USH2A: variants seen among roughly 807,000 people sequenced by gnomAD.
USH2A encodes the protein usherin, also known as Usher syndrome 2A (autosomal recessive, mild).
USH2A carries 443 observed loss-of-function variants against 538.9 expected under a neutral mutation model. The ratio of observed to expected loss-of-function variants is 0.82; its 90% CI spans 0.76 to 0.89. USH2A has a LOEUF of 0.89. Among genes scored for constraint, USH2A ranks in the 40% least tolerant of loss-of-function variants. The pLI, the probability that USH2A is intolerant of heterozygous loss-of-function variation, is 0.00. For synonymous variants in USH2A, 2,413 were observed against 2,273.5 expected (o/e 1.06, Z -1.75); for missense variants, 6,633 against 6,324.8 (o/e 1.05, Z -1.65).
chr1:215,970,628 T>C lies in USH2A; in HGVS notation c.6954A>G (p.Pro2318=). The change falls in exon 36 of 72, where the codon CCA becomes CCG. Residue 2318 remains proline (P), a synonymous_variant. Coordinates refer to ENST00000307340, the MANE Select transcript of USH2A (RefSeq NM_206933.4). Reference sequence around the variant, plus strand: ...GAATGTAAATTTAGATACTCACCAGTGGGCCCAGAGCACAACCTTTGGCCG... The same window carrying C: ...GAATGTAAATTTAGATACTCACCAGCGGGCCCAGAGCACAACCTTTGGCCG... ...ACTAKGCALG[P]LVENRTLEAP... 1 of 1,613,598 alleles carries C rather than the reference T, an allele frequency of 6.2e-7. No individual in the cohort carries two copies. Among genetic ancestry groups the C allele is most frequent in the South Asian group, 1.1e-5 (1 of 91,078 alleles).
At chr1:215,869,729 A>G (rs1489525929) in intron 43 of USH2A, among the ~76,000 whole-genome samples, 1 of 152,224 alleles carries the variant, frequency 6.6e-6, no homozygotes, top group Admixed American at 6.5e-5. Context: ...ATGCTATTAT[A>G]CAATTAATAA....
At chr1:216,165,808 G>GT (rs11453631) in intron 21 of USH2A, among the ~76,000 whole-genome samples, 115,084 of 145,648 alleles carry the variant, frequency 0.79, 45,812 homozygotes, top group East Asian at 0.96. Context: ...CAAACAACCA[G>GT]TTTTTTTTTT....
intron 3 of USH2A, among the ~76,000 whole-genome samples, chr1:216,409,912 A>G (rs1331736004): frequency 6.6e-6 from 1 of 152,088 alleles, no homozygotes; most frequent in Admixed American, 6.6e-5. Flanking sequence ...CGAACTATCA[A>G]CAGAGTGAAC....
At chr1:216,377,436 C>A (rs2038842909) in intron 3 of USH2A, among the ~76,000 whole-genome samples, 1 of 152,030 alleles carries the variant, frequency 6.6e-6, no homozygotes, top group Non-Finnish European at 1.5e-5. Context: ...ATTTACGGGT[C>A]AAATGCAGAA....
intron 35 of USH2A, among the ~76,000 whole-genome samples, chr1:215,975,950 A>G (rs1667610793): frequency 1.3e-5 from 2 of 152,168 alleles, no homozygotes; most frequent in South Asian, 2.1e-4. Flanking sequence ...CCACTTCATG[A>G]GCATGGAACA....
In USH2A at chr1:215,782,586, G is replaced by A. The variant is rs116377228; in HGVS notation, c.10585+152C>T. 1.2e-3 allele frequency: 1,027 copies of A among 845,278 alleles called. 5 individuals carry two copies. The African/African-American group carries it at 0.014, about 11-fold the overall frequency. 52.4% of individuals were successfully genotyped at this position (845,278 alleles called of 1,614,324 possible). ...ACGAGGACTACACCACAAAGTGAGT[G>A]ATTAGTTGTCACATAATTACAGTTC... is the stretch of plus-strand genomic sequence containing the variant. On this transcript the variant is annotated intron_variant, in intron 53 of 71. Coordinates refer to ENST00000307340, the MANE Select transcript of USH2A (RefSeq NM_206933.4).
chr1:215,718,158 T>C (rs1659539090), intron 61 of USH2A, among the ~76,000 whole-genome samples: 1 of 152,134 alleles, frequency 6.6e-6, no homozygotes, highest in African/African-American at 2.4e-5. Flanking sequence ...CCTTAAAAAT[T>C]ATATTGAGAT....
chr1:216,119,571 T>C (rs2102592925), intron 21 of USH2A, among the ~76,000 whole-genome samples: 1 of 152,220 alleles, frequency 6.6e-6, no homozygotes, highest in Admixed American at 6.5e-5. Flanking sequence ...CATATATTAA[T>C]TTTGGTAAAA....
At chr1:215,765,419 T>C (rs1185962990) in intron 56 of USH2A, among the ~76,000 whole-genome samples, 22 of 152,148 alleles carry the variant, frequency 1.4e-4, no homozygotes, top group Admixed American at 1.2e-3. Context: ...AGTTCAGGTC[T>C]AATATTCCGA....
intron 3 of USH2A, among the ~76,000 whole-genome samples, chr1:216,385,299 A>G (rs1476158610): frequency 6.6e-6 from 1 of 152,202 alleles, no homozygotes; most frequent in Non-Finnish European, 1.5e-5. Context: ...AAGGGAAAGA[A>G]TTAGTGTTTA....
intron 30 of USH2A, among the ~76,000 whole-genome samples, chr1:216,049,090 A>G (rs1290041965): frequency 6.6e-6 from 1 of 152,256 alleles, no homozygotes; most frequent in Non-Finnish European, 1.5e-5. Flanking sequence ...TAGGGCACCT[A>G]TTAACACACT....
rs766176205 is a variant in USH2A at position 215,650,715 on chromosome 1, G to A, written c.14220C>T (p.Ala4740=). The A allele has an allele frequency of 1.2e-6, 2 of 1,613,868 alleles. No individual in the cohort carries two copies. The highest frequency in any genetic ancestry group is 1.3e-5 in the African/African-American group (1 of 74,854). Residue 4740 remains alanine (A), a synonymous_variant, in exon 65 of 72, where the codon GCC becomes GCT. Transcript: ENST00000307340. ...TAGAAGAGATCACATGGAACGTGGG[G>A]GCTCTGAGACCTTCTGGTGGGGCTG... is the stretch of plus-strand genomic sequence containing the variant. ...TGPAPPEGLR[A]PTFHVISSTQ...
At chr1:216,251,442 C>CTTTTTTTTTTTTT (rs779947689) in intron 11 of USH2A, among the ~76,000 whole-genome samples, 2 of 80,338 alleles carry the variant, frequency 2.5e-5, no homozygotes, top group Non-Finnish European at 4.6e-5. Flanking sequence ...ACCACTTCCC[C>CTTTTTTTTTTTTT]TTTTTTTTTT....
chr1:216,384,183 T>A (rs1642086930), intron 3 of USH2A, among the ~76,000 whole-genome samples: 1 of 151,654 alleles, frequency 6.6e-6, no homozygotes, highest in Non-Finnish European at 1.5e-5. Context: ...ACCCCAGAAC[T>A]TAAAGTAGAA....
At chr1:216,220,870 G>A (rs577100324) in intron 14 of USH2A, among the ~76,000 whole-genome samples, 168 of 152,194 alleles carry the variant, frequency 1.1e-3, no homozygotes, top group African/African-American at 3.8e-3. Context: ...TGCTAATGGG[G>A]ATGATGAAGA....
chr1:215,910,761 A>G (rs969684928), intron 38 of USH2A, among the ~76,000 whole-genome samples: 1 of 151,838 alleles, frequency 6.6e-6, no homozygotes, highest in Non-Finnish European at 1.5e-5. Context: ...AACTATGAAC[A>G]TTTGTTCATA....
intron 11 of USH2A, among the ~76,000 whole-genome samples, chr1:216,284,226 C>T (rs1052998863): frequency 2.0e-5 from 3 of 152,054 alleles, no homozygotes; most frequent in Non-Finnish European, 2.9e-5. Flanking sequence ...GCTGTGTCCC[C>T]ACCCAAATCT....
At chr1:216,174,934 C>T (rs2034344615) in intron 21 of USH2A, 3 of 1,179,446 alleles carry the variant, frequency 2.5e-6, no homozygotes, top group African/African-American at 1.6e-5. Flanking sequence ...GCTCAGAGAA[C>T]ACAGTGAATA....
chr1:216,306,520 T>C (rs1448855430), intron 9 of USH2A, among the ~76,000 whole-genome samples: 1 of 152,202 alleles, frequency 6.6e-6, no homozygotes, highest in Non-Finnish European at 1.5e-5. Context: ...TTCAGAGTTT[T>C]CTTCTTGGTT....
Sources: allele counts gnomAD v4.1 joint callset (sites outside exome capture counted in the v4.1 genomes callset), GRCh38; gene constraint gnomAD v4.1.1; transcripts MANE v1.5; gene names NCBI Gene and HGNC (gene_info 2026-07-23, HGNC 2026-07-21).